The following HECTD4 variants were observed in gnomAD, a reference collection of about 807,000 sequenced individuals.
HECTD4 encodes the protein probable E3 ubiquitin-protein ligase HECTD4.
A neutral mutation model predicts 471.5 loss-of-function variants in HECTD4; 114 were observed. The observed-to-expected ratio is 0.24, with a 90% CI of 0.21 to 0.28. HECTD4 has a LOEUF of 0.28. Among genes scored for constraint, HECTD4 ranks in the 10% least tolerant of loss-of-function variants. The pLI is 1.00. For synonymous variants in HECTD4, 2,012 were observed against 2,256.0 expected, an observed-to-expected ratio of 0.89 and a Z score of 3.07; for missense variants, 3,866 against 5,651.5, an observed-to-expected ratio of 0.68 and a Z score of 10.13.
At chr12:112,341,425 A>G (rs1338661365) in intron 1 of HECTD4, among the ~76,000 whole-genome samples, 1 of 152,288 alleles carries the variant, frequency 6.6e-6, no homozygotes, top group South Asian at 2.1e-4. Flanking sequence ...GCACCCAGTG[A>G]CTACTCAATA....
chr12:112,226,197 ACACACACACACTCACACACACACT>A (rs1194406354), intron 44 of HECTD4, among the ~76,000 whole-genome samples: 5 of 151,792 alleles, frequency 3.3e-5, no homozygotes, highest in South Asian at 4.2e-4. Context: ...TTCCATACAC[ACACACACACACTCACACACACACT>A]CACACACACA....
chr12:112,319,707 T>C lies in HECTD4; in HGVS notation c.213A>G (p.Leu71=). ...CACAAACAGAGCGCAAACGTTCTGC[T>C]AATTCCGACGGGTTCTTGGTCTCAA... ...LTFETKNPSE[L]AERLRSVCGN... Residue 71 remains leucine, a synonymous_variant, in exon 2 of 76, where the codon TTA becomes TTG. Transcript: ENST00000682272. This position sits in a 1 kb window ranked among gnomAD's most constrained non-coding sequence, Gnocchi z 5.3. 1 of 1,255,040 alleles carries C rather than the reference T, an allele frequency of 8.0e-7. No homozygotes were observed. Among genetic ancestry groups the C allele is most frequent in the Non-Finnish European group, 1.0e-6 (1 of 1,001,036 alleles). 77.7% of individuals were successfully genotyped at this position (1,255,040 alleles called of 1,614,324 possible).
intron 7 of HECTD4, 94 bp downstream of exon 7, chr12:112,305,970 G>C: frequency 8.7e-7 from 1 of 1,147,312 alleles, no homozygotes; most frequent in Non-Finnish European, 1.2e-6. Context: ...CACTATACAC[G>C]CTGCAAGGTT....
intron 17 of HECTD4, among the ~76,000 whole-genome samples, chr12:112,263,796 G>A (rs978801721): frequency 6.6e-6 from 1 of 151,392 alleles, no homozygotes; most frequent in Non-Finnish European, 1.5e-5. Flanking sequence ...AGGTACACAT[G>A]AGATCACTTG....
At chr12:112,335,896 C>A (rs113317431) in intron 1 of HECTD4, among the ~76,000 whole-genome samples, 2 of 151,892 alleles carry the variant, frequency 1.3e-5, no homozygotes, top group Non-Finnish European at 2.9e-5. Context: ...CAATCTCTAC[C>A]GATTTAATAG....
intron 1 of HECTD4, among the ~76,000 whole-genome samples, chr12:112,364,156 G>A (rs926110951): frequency 3.3e-5 from 5 of 151,902 alleles, no homozygotes; most frequent in African/African-American, 1.2e-4. Flanking sequence ...TGTAATCCCA[G>A]CAGTTTGGGA....
chr12:112,219,670 G>A, intron 44 of HECTD4, 181 bp from the exon 45 acceptor site: 1 of 431,640 alleles, frequency 2.3e-6, no homozygotes, highest in Non-Finnish European at 4.1e-6. Context: ...CGCGGTCCTG[G>A]CTTACTGCAA....
chr12:112,207,760 GTTAAGT>G (rs2032635938), intron 52 of HECTD4, 108 bp downstream of exon 52: 1 of 1,210,560 alleles, frequency 8.3e-7, no homozygotes, highest in Admixed American at 2.4e-5. Flanking sequence ...CAAAGACACT[GTTAAGT>G]ATGGTGCAAC....
intron 15 of HECTD4, 60 bp from the exon 16 acceptor site, chr12:112,265,355 A>C (rs890789466): frequency 8.3e-6 from 9 of 1,090,024 alleles, no homozygotes; most frequent in South Asian, 5.2e-5. Context: ...TAAAAGGATA[A>C]ATTTTATATA....
chr12:112,286,367 A>G (rs1469385173), intron 7 of HECTD4, among the ~76,000 whole-genome samples: 1 of 152,200 alleles, frequency 6.6e-6, no homozygotes, highest in East Asian at 1.9e-4. Flanking sequence ...CTGCATAGCC[A>G]GTGATCATTT....
intron 4 of HECTD4, among the ~76,000 whole-genome samples, chr12:112,311,326 G>A (rs947281676): frequency 6.6e-6 from 1 of 151,768 alleles, no homozygotes; most frequent in Admixed American, 6.6e-5. Flanking sequence ...GCCAGGCGCC[G>A]TGGCTCGCAC....
intron 1 of HECTD4, among the ~76,000 whole-genome samples, chr12:112,330,276 C>CAA (rs34034288): frequency 3.0e-5 from 3 of 100,724 alleles, no homozygotes; most frequent in Admixed American, 9.6e-5. Flanking sequence ...TACTTTGTCT[C>CAA]AAAAAAAAAA....
At position 112,169,520 on chromosome 12, in the gene HECTD4, T is replaced by C; in HGVS notation, c.12191A>G (p.Glu4064Gly). ...TYAFNIRFTG[E>G]EVHGTSGSFR... ...CCACTTACTGGTGCCATGGACCTCC[T>C]CGCCAGTGAAGCGGATGTTGAAGGC... Residue 4064 changes from glutamate to glycine, a missense_variant, in exon 70 of 76, where the codon GAG becomes GGG. Coordinates refer to ENST00000682272, the MANE Select transcript of HECTD4 (RefSeq NM_001388303.1). The C allele has an allele frequency of 6.2e-7, 1 of 1,611,672 alleles. No individual in the cohort carries two copies. The highest frequency in any genetic ancestry group is 1.1e-5 in the South Asian group (1 of 90,962).
In HECTD4 at chr12:112,172,529, C is replaced by G. The variant is rs112882774; in HGVS notation, c.11785+142G>C. ...TCCCTGTTTCGTCAGCCCACTCTTCCTTGCACACCTGGCGCATAGCAGGTG... is the reference window on the plus strand; with the variant it reads ...TCCCTGTTTCGTCAGCCCACTCTTCGTTGCACACCTGGCGCATAGCAGGTG... On this transcript the variant is annotated intron_variant, in intron 67 of 75. Coordinates refer to ENST00000682272, the MANE Select transcript of HECTD4 (RefSeq NM_001388303.1). The G allele has an allele frequency of 1.2e-3, 954 of 804,516 alleles. 7 individuals are homozygous for G. In the African/African-American group the frequency reaches 0.014, roughly 12 times the overall value. 49.8% of individuals were successfully genotyped at this position (804,516 alleles called of 1,614,324 possible).
rs773491704 is a variant in HECTD4, at chr12:112,251,131, A to C, written c.3556T>G (p.Ser1186Ala). 8.7e-6 allele frequency: 14 copies of C among 1,613,380 alleles called. No homozygotes were observed. Among genetic ancestry groups the C allele is most frequent in the Non-Finnish European group, 1.1e-5 (13 of 1,179,660 alleles). Residue 1186 changes from serine to alanine, a missense_variant, in exon 24 of 76, where the codon TCT (serine) becomes GCT (alanine). Around this residue, in one of 16 missense-constraint regions of HECTD4, gnomAD observed 281 missense variants for 499.9 expected, o/e 0.56. Transcript: ENST00000682272. ...GFACTVRAQE[S>A]SEDVSGGLPF... ...AAGCCTCCTGAGACATCCTCCGAAG[A>C]CTCCTACAATGCAGACAGGGGTAAA...
chr12:112,200,820 T>A (rs760170094), intron 54 of HECTD4, 22 bp from the exon 55 acceptor site: 1 of 1,605,724 alleles, frequency 6.2e-7, no homozygotes, highest in African/African-American at 1.3e-5. Flanking sequence ...AAAGAAAATG[T>A]CTGTTTGTGC....
At chr12:112,286,931 G>C (rs1217934731) in intron 7 of HECTD4, among the ~76,000 whole-genome samples, 2 of 152,114 alleles carry the variant, frequency 1.3e-5, no homozygotes, top group Admixed American at 6.5e-5. Flanking sequence ...GCTGGGCCTT[G>C]GTACTTGCTA....
chr12:112,186,880 C>A (rs2031885310), intron 60 of HECTD4, among the ~76,000 whole-genome samples: 1 of 151,846 alleles, frequency 6.6e-6, no homozygotes, highest in African/African-American at 2.4e-5. Context: ...GTTGGCCAGG[C>A]CGGTCTTGAA....
chr12:112,379,878 C>G (rs1212914077), intron 1 of HECTD4, among the ~76,000 whole-genome samples: 1 of 151,432 alleles, frequency 6.6e-6, no homozygotes, highest in South Asian at 2.1e-4. Context: ...TGTTTATCAC[C>G]CATACACATA....
Sources: allele counts gnomAD v4.1 joint callset (sites outside exome capture counted in the v4.1 genomes callset), GRCh38; gene constraint gnomAD v4.1.1; regional missense constraint gnomAD v4.1.1; non-coding constraint Gnocchi (gnomAD v3.1); transcripts MANE v1.5; gene names NCBI Gene and HGNC (gene_info 2026-07-23, HGNC 2026-07-21).